The following CACNA1D variants were observed in gnomAD, a reference collection of about 807,000 sequenced individuals.
CACNA1D encodes voltage-dependent L-type calcium channel subunit alpha-1D.
Under a neutral mutation model 257.1 loss-of-function variants are expected in CACNA1D, and 55 were observed. The ratio of observed to expected loss-of-function variants is 0.21; its 90% CI spans 0.17 to 0.27. The LOEUF (loss-of-function observed/expected upper bound fraction) is 0.27. Among genes scored for constraint, CACNA1D ranks in the 10% least tolerant of loss-of-function variants. CACNA1D has a pLI of 1.00. For synonymous variants in CACNA1D, 980 were observed against 1,014.9 expected (o/e 0.97, Z 0.65); for missense variants, 1,876 against 2,784.0 (o/e 0.67, Z 7.34).
In CACNA1D at chr3:53,747,517, G is replaced by C. The variant is rs72556356; in HGVS notation, c.3314+69G>C. 1,530 of 1,493,496 alleles carry C rather than the reference G, an allele frequency of 1.0e-3. 16 individuals are homozygous for C. In the African/African-American group the frequency reaches 0.019, roughly 18 times the overall value. The allele number at this position is 1,493,496 out of a possible 1,614,324, so 92.5% of individuals were successfully genotyped here. A position where few individuals can be genotyped will look rare whatever the true frequency, so the allele number is the denominator to read the frequency against. ...GCCCAGGGCTGAGCCCTCCCTCCTG[G>C]AGTCAGTCCCATTTCTGTTCTCCAG... On this transcript the variant is annotated intron_variant, in intron 26 of 47. Transcript: ENST00000350061.
At chr3:53,575,336 C>T (rs754032165) in intron 3 of CACNA1D, among the ~76,000 whole-genome samples, 4 of 151,830 alleles carry the variant, frequency 2.6e-5, no homozygotes, top group Admixed American at 6.6e-5. Context: ...GAGATGCTGC[C>T]GTGCATGGGC....
At chr3:53,607,134 T>C (rs2093520831) in intron 3 of CACNA1D, among the ~76,000 whole-genome samples, 1 of 152,224 alleles carries the variant, frequency 6.6e-6, no homozygotes, top group Non-Finnish European at 1.5e-5. Context: ...ACATTTTATA[T>C]AGGTGTTTGT....
intron 3 of CACNA1D, among the ~76,000 whole-genome samples, chr3:53,643,534 C>A (rs1449093870): frequency 1.3e-5 from 2 of 152,162 alleles, no homozygotes; most frequent in Admixed American, 6.5e-5. Flanking sequence ...TCGGTTCTTG[C>A]TGTTCTTGCT....
At position 53,586,456 on chromosome 3, in the gene CACNA1D, C is replaced by T. The variant is rs529761471; in HGVS notation, c.484-64323C>T. Among the ~76,000 whole-genome samples, 8 of 150,994 alleles carry T rather than the reference C, an allele frequency of 5.3e-5. No individual in the cohort carries two copies. In the East Asian group the frequency reaches 7.7e-4, roughly 15 times the overall value. On this transcript the variant is annotated intron_variant, in intron 3 of 47. Transcript: ENST00000350061. ...TCCTCACCTATTTTTTTTTTTGTGGCACCCTACAGTGTCTGCAGTGATAAG... is the reference window on the plus strand; with the variant it reads ...TCCTCACCTATTTTTTTTTTTGTGGTACCCTACAGTGTCTGCAGTGATAAG...
chr3:53,528,608 A>G (rs1349996547), intron 3 of CACNA1D, among the ~76,000 whole-genome samples: 1 of 152,192 alleles, frequency 6.6e-6, no homozygotes, highest in Non-Finnish European at 1.5e-5. Context: ...CGTCGAATCT[A>G]TAGGTCAATT....
chr3:53,657,190 G>A (rs1338696833), intron 4 of CACNA1D, among the ~76,000 whole-genome samples: 1 of 152,096 alleles, frequency 6.6e-6, no homozygotes, highest in Non-Finnish European at 1.5e-5. Flanking sequence ...TGTGTAATGG[G>A]ATATTACAGA....
At chr3:53,665,833 C>G in intron 6 of CACNA1D, 21 bp downstream of exon 6, 1 of 1,601,276 alleles carries the variant, frequency 6.2e-7, no homozygotes, top group South Asian at 1.1e-5. Context: ...AGAATTGTAG[C>G]TAACTTAACT....
chr3:53,600,658 C>G (rs2093430027), intron 3 of CACNA1D, among the ~76,000 whole-genome samples: 1 of 152,154 alleles, frequency 6.6e-6, no homozygotes, highest in South Asian at 2.1e-4. Context: ...ACTTTCTATG[C>G]TGTGGTATTG....
intron 9 of CACNA1D, among the ~76,000 whole-genome samples, chr3:53,704,667 T>G (rs74890784): frequency 6.6e-6 from 1 of 152,344 alleles, no homozygotes; most frequent in East Asian, 1.9e-4. Flanking sequence ...CCTGCACCGC[T>G]CTTTTCCCCT....
chr3:53,763,666 G>A (rs1370421465), intron 30 of CACNA1D, among the ~76,000 whole-genome samples: 1 of 152,188 alleles, frequency 6.6e-6, no homozygotes, highest in Non-Finnish European at 1.5e-5. Flanking sequence ...GGATTATAAG[G>A]TCCATCCTGG....
chr3:53,654,432 A>G (rs373494336), intron 4 of CACNA1D, among the ~76,000 whole-genome samples: 2 of 152,218 alleles, frequency 1.3e-5, no homozygotes, highest in East Asian at 1.9e-4. Context: ...GAACAGGGAA[A>G]TAGCCATATG....
At position 53,800,410 on chromosome 3, in the gene CACNA1D, C is replaced by T. The variant is rs1046915406; in HGVS notation, c.5040+45C>T. The T allele has an allele frequency of 1.6e-6, 2 of 1,243,760 alleles. No individual in the cohort carries two copies. The highest frequency in any genetic ancestry group is 2.4e-6 in the Non-Finnish European group (2 of 841,682). The allele number at this position is 1,243,760 out of a possible 1,614,324, so 77.0% of individuals were successfully genotyped here. A position where few individuals can be genotyped will look rare whatever the true frequency, so the allele number is the denominator to read the frequency against. ...CTACACACTGGCCATCTGGAAATAG[C>T]AGGGCAGGACTCCAGTTTGGGCAGT... On this transcript the variant is annotated intron_variant, in intron 41 of 47. Transcript: ENST00000350061. The surrounding 1 kb of genome is among the most constrained non-coding windows in gnomAD (Gnocchi z 4.3).
Position 53,731,113 on chromosome 3 carries a change from A to G in CACNA1D, c.2373A>G (p.Pro791=), listed in dbSNP as rs569426936. ...TAGAAAATAAAAAGAACAACAAACC[A>G]GAAGTCAACCAGATAGCCAACAGTG... ...ESLENKKNNK[P]EVNQIANSDN... The change falls in exon 17 of 48, where the codon CCA becomes CCG. Residue 791 remains proline (P), a synonymous_variant. Coordinates refer to ENST00000350061, the MANE Select transcript of CACNA1D (RefSeq NM_001128840.3). The G allele has an allele frequency of 6.2e-7, 1 of 1,612,228 alleles. No homozygotes were observed. The highest frequency in any genetic ancestry group is 1.1e-5 in the South Asian group (1 of 91,048).
intron 3 of CACNA1D, among the ~76,000 whole-genome samples, chr3:53,573,016 T>C (rs2092975142): frequency 6.6e-6 from 1 of 152,216 alleles, no homozygotes; most frequent in African/African-American, 2.4e-5. Flanking sequence ...GTCCTTTGAA[T>C]GATAAATATT....
chr3:53,807,138 G>A (rs542173065), intron 45 of CACNA1D, among the ~76,000 whole-genome samples: 1 of 152,380 alleles, frequency 6.6e-6, no homozygotes, highest in Non-Finnish European at 1.5e-5. Flanking sequence ...GTTGTGCAGA[G>A]CACATGAGAT....
At chr3:53,591,651 G>A (rs574842641) in intron 3 of CACNA1D, among the ~76,000 whole-genome samples, 1 of 152,266 alleles carries the variant, frequency 6.6e-6, no homozygotes, top group South Asian at 2.1e-4. Context: ...ATGCTGTGTC[G>A]ATTTGCCCTA....
chr3:53,805,370 G>A (rs772272742), intron 45 of CACNA1D, among the ~76,000 whole-genome samples: 17 of 152,164 alleles, frequency 1.1e-4, no homozygotes, highest in Non-Finnish European at 2.1e-4. Context: ...GACTCTCTTT[G>A]AGAAGAGAGA....
intron 30 of CACNA1D, chr3:53,762,454 G>A (rs540480466): frequency 1.6e-5 from 7 of 431,618 alleles, no homozygotes; most frequent in East Asian, 6.7e-5. Context: ...CGTGTGGCGC[G>A]ATGCTAGAAT....
intron 29 of CACNA1D, 120 bp downstream of exon 29, chr3:53,753,802 C>A (rs2095244976): frequency 2.8e-6 from 2 of 721,688 alleles, no homozygotes; most frequent in Admixed American, 2.0e-5. Flanking sequence ...AACTGGGTTA[C>A]CACCTGAGAA....
Sources: gnomAD v4.1 joint callset for allele counts (sites outside exome capture counted in the v4.1 genomes callset) on GRCh38, gnomAD v4.1.1 for gene constraint, Gnocchi (gnomAD v3.1) non-coding constraint, MANE v1.5 for transcripts, NCBI Gene and HGNC (gene_info 2026-07-23, HGNC 2026-07-21) for gene names.